Variants in SLC4A8 observed in about 807,000 individuals in gnomAD.
SLC4A8 encodes electroneutral sodium bicarbonate exchanger 1.
SLC4A8 carries 40 observed loss-of-function variants against 125.0 expected under a neutral mutation model. The observed-to-expected ratio is 0.32, with a 90% CI of 0.25 to 0.42. The LOEUF is 0.42. Among genes scored for constraint, SLC4A8 ranks in the 10% least tolerant of loss-of-function variants. SLC4A8 has a pLI of 1.00. For synonymous variants in SLC4A8, 456 were observed against 476.0 expected (o/e 0.96, Z 0.55); for missense variants, 863 against 1,355.1 (o/e 0.64, Z 5.70).
intron 4 of SLC4A8, among the ~76,000 whole-genome samples, chr12:51,453,196 A>T (rs1950022241): frequency 6.6e-6 from 1 of 152,254 alleles, no homozygotes; most frequent in African/African-American, 2.4e-5. Context: ...CATGCTCATT[A>T]TAGAAAGTTT....
At chr12:51,415,162 T>C (rs921909972) in intron 1 of SLC4A8, among the ~76,000 whole-genome samples, 6 of 152,090 alleles carry the variant, frequency 3.9e-5, no homozygotes, top group African/African-American at 1.2e-4. Context: ...GCAAAAGTAA[T>C]TGTGGTTTTT....
upstream of SLC4A8, among the ~76,000 whole-genome samples, chr12:51,422,343 A>G (rs1336140505): frequency 6.6e-6 from 1 of 152,170 alleles, no homozygotes; most frequent in Non-Finnish European, 1.5e-5. Context: ...CCAGATCTCC[A>G]CAATTTGATC....
rs1225214140 is a variant in SLC4A8, at chr12:51,513,276, A to C, written c.*5838A>C. The C allele has an allele frequency of 6.6e-6, 1 of 152,250 alleles. No individual in the cohort carries two copies. Among genetic ancestry groups the C allele is most frequent in the Admixed American group, 6.5e-5 (1 of 15,288 alleles). 9.4% of individuals were successfully genotyped at this position (152,250 alleles called of 1,614,324 possible). The stretch of plus-strand genomic sequence containing the variant: ...CTCTTTGTGGCTAGATGTGACTTCC[A>C]ACTTCTGAAGACAGGATTGCCAAGA... On this transcript the variant is annotated 3_prime_UTR_variant, in exon 25 of 25. Coordinates refer to ENST00000453097, the MANE Select transcript of SLC4A8 (RefSeq NM_001039960.3).
rs141967238 is a variant in SLC4A8, at chr12:51,401,469, C to A, written c.-112+9981C>A. 5.6e-3 allele frequency among the ~76,000 whole-genome samples: 854 copies of A among 152,334 alleles called. 5 individuals are homozygous for A. Among genetic ancestry groups the A allele is most frequent in the Non-Finnish European group, 9.8e-3 (666 of 68,028 alleles). ...TGGGCTCTCCTCTGACTGCCCCAGG[C>A]AAACTCTATGTCTTTCCGTGGGCCG... On this transcript the variant is annotated intron_variant, in intron 1 of 24. Transcript: ENST00000358657.
chr12:51,440,410 GT>G (rs11333373), intron 1 of SLC4A8, among the ~76,000 whole-genome samples: 78,022 of 144,654 alleles, frequency 0.54, 20,586 homozygotes, highest in African/African-American at 0.58. Context: ...TTCTCTCTCT[GT>G]TTTTTTTTTT....
At chr12:51,400,052 C>T (rs1025154694) in intron 1 of SLC4A8, among the ~76,000 whole-genome samples, 60 of 152,100 alleles carry the variant, frequency 3.9e-4, no homozygotes, top group Non-Finnish European at 1.3e-4. Context: ...GGTCCCTCCT[C>T]CTGGGTGTGG....
At chr12:51,482,779 C>T in intron 16 of SLC4A8, among the ~76,000 whole-genome samples, 1 of 152,072 alleles carries the variant, frequency 6.6e-6, no homozygotes, top group East Asian at 1.9e-4. Flanking sequence ...GTGAAGCATC[C>T]AAATAGACAG....
In SLC4A8 at chr12:51,470,375, A is replaced by T; in HGVS notation, c.1525-17A>T. The T allele has an allele frequency of 6.2e-7, 1 of 1,613,260 alleles. No homozygotes were observed. Among genetic ancestry groups the T allele is most frequent in the Admixed American group, 1.7e-5 (1 of 59,998 alleles). On this transcript the variant is annotated splice_polypyrimidine_tract_variant and intron_variant, in intron 12 of 24. Transcript: ENST00000453097. ...CTGATGGGCTATGGACTCAGTGATG[A>T]CTTTTTTTCCTCTCAGAGTGCAATT...
chr12:51,479,898 T>C, intron 16 of SLC4A8: 1 of 364,894 alleles, frequency 2.7e-6, no homozygotes, highest in South Asian at 2.1e-5. Context: ...GAAAGTGTAC[T>C]ATGGCTGCCC....
intron 1 of SLC4A8, among the ~76,000 whole-genome samples, chr12:51,433,099 CA>C (rs1431227163): frequency 6.6e-6 from 1 of 152,144 alleles, no homozygotes; most frequent in Non-Finnish European, 1.5e-5. Flanking sequence ...GAGCTGGGGC[CA>C]TTATGTAAGA....
At chr12:51,443,358 G>T (rs1949660904) in intron 2 of SLC4A8, among the ~76,000 whole-genome samples, 1 of 151,996 alleles carries the variant, frequency 6.6e-6, no homozygotes, top group Non-Finnish European at 1.5e-5. Context: ...TGTAAGTGTG[G>T]GTCTTTTGCA....
In SLC4A8 at chr12:51,462,356, T is replaced by C. The variant is rs1162249302; in HGVS notation, c.1148T>C (p.Leu383Pro). The change falls in exon 10 of 25, where the codon CTG (leucine) becomes CCG (proline). Residue 383 changes from leucine (L) to proline (P), a missense_variant. Transcript: ENST00000453097. ...AAGGCAAAAGAGCGAGATGATCTCC[T>C]GGCGGGGATTGATGAGTTCCTAGAC... ...AYKAKERDDLLAGIDEFLDQV... is the reference protein window; with the variant it reads ...AYKAKERDDLPAGIDEFLDQV... The C allele has an allele frequency of 6.2e-7, 1 of 1,613,926 alleles. No homozygotes were observed. Among genetic ancestry groups the C allele is most frequent in the Non-Finnish European group, 8.5e-7 (1 of 1,179,862 alleles).
At chr12:51,440,455 CT>C (rs1949558992) in intron 1 of SLC4A8, among the ~76,000 whole-genome samples, 1 of 151,102 alleles carries the variant, frequency 6.6e-6, no homozygotes. Context: ...CTAGCTCCGC[CT>C]TTTATGACAT....
chr12:51,462,005 C>T lies in SLC4A8; in HGVS notation c.1102-305C>T, dbSNP rs536365090. ...GAAAGCTGATTAAAATTTTTTTTTT[C>T]ATATATCTTGCCTTTCCTTCCATCC... On this transcript the variant is annotated intron_variant, in intron 9 of 24. Coordinates refer to ENST00000453097, the MANE Select transcript of SLC4A8 (RefSeq NM_001039960.3). 9.5e-4 allele frequency: 201 copies of T among 210,694 alleles called. 1 individual carries two copies. Among genetic ancestry groups the T allele is most frequent in the Admixed American group, 2.6e-3 (48 of 18,142 alleles). The allele number at this position is 210,694 out of a possible 1,614,324, so 13.1% of individuals were successfully genotyped here.
At chr12:51,500,409 A>C (rs559972917) in intron 22 of SLC4A8, among the ~76,000 whole-genome samples, 1 of 152,006 alleles carries the variant, frequency 6.6e-6, no homozygotes, top group Admixed American at 6.6e-5. Flanking sequence ...TAGTTTTCAT[A>C]TAACTATGAT....
chr12:51,441,351 G>C (rs1209511006), intron 2 of SLC4A8, among the ~76,000 whole-genome samples: 2 of 152,148 alleles, frequency 1.3e-5, no homozygotes, highest in East Asian at 3.8e-4. Context: ...CAGCTGAAGG[G>C]GAAAGGAAAG....
At chr12:51,400,063 T>G (rs1948344008) in intron 1 of SLC4A8, among the ~76,000 whole-genome samples, 1 of 150,684 alleles carries the variant, frequency 6.6e-6, no homozygotes, top group African/African-American at 2.4e-5. Flanking sequence ...CTGGGTGTGG[T>G]GGGTGGAGTG....
At chr12:51,464,281 G>A (rs554764532) in intron 11 of SLC4A8, among the ~76,000 whole-genome samples, 2 of 152,190 alleles carry the variant, frequency 1.3e-5, no homozygotes, top group Non-Finnish European at 2.9e-5. Flanking sequence ...TCTGCCAAAT[G>A]AATGAATATT....
At chr12:51,465,395 A>AGGTGGTC (rs931892366) in intron 11 of SLC4A8, among the ~76,000 whole-genome samples, 1 of 152,132 alleles carries the variant, frequency 6.6e-6, no homozygotes, top group African/African-American at 2.4e-5. Flanking sequence ...GCTTTGTGAG[A>AGGTGGTC]GGTGGTCACT....
Sources: gnomAD v4.1 joint callset for allele counts (sites outside exome capture counted in the v4.1 genomes callset) on GRCh38, gnomAD v4.1.1 for gene constraint, MANE v1.5 for transcripts, NCBI Gene and HGNC (gene_info 2026-07-23, HGNC 2026-07-21) for gene names.